The following SPMIP8 variants were observed in gnomAD, a reference collection of about 807,000 sequenced individuals.
SPMIP8 encodes the protein testicular tissue protein Li 196.
the SPMIP8 span, chr16:57,986,204 C>T: frequency 1.2e-3 from 478 of 409,954 alleles, 3 homozygotes; most frequent in East Asian, 0.013. Context: ...AAGGATAGGG[C>T]GAGGATGTTA....
the SPMIP8 span, chr16:57,986,137 T>G: frequency 1.8e-6 from 1 of 569,804 alleles, no homozygotes; most frequent in Non-Finnish European, 2.8e-6. Flanking sequence ...CCCACTGGGG[T>G]GGGGGTGGAC....
chr16:57,981,389 A>AATTATTATTATTATTATTATTATT, the SPMIP8 span, among the ~76,000 whole-genome samples: 18 of 132,908 alleles, frequency 1.4e-4, no homozygotes, highest in Admixed American at 3.9e-4. Context: ...CAATAATAAT[A>AATTATTATTATTATTATTATTATT]ATAATTATTA....
At chr16:57,985,174 A>C in the SPMIP8 span, 25 of 1,476,254 alleles carry the variant, frequency 1.7e-5, no homozygotes, top group Middle Eastern at 4.5e-4. Flanking sequence ...GGGGGGGCGG[A>C]TGAGCGCTCG....
chr16:57,979,769 A>G, the SPMIP8 span, among the ~76,000 whole-genome samples: 2 of 152,192 alleles, frequency 1.3e-5, no homozygotes, highest in African/African-American at 4.8e-5. Flanking sequence ...CTGAAAACCC[A>G]GAAATTTGTA....
chr16:57,979,051 G>A, the SPMIP8 span, among the ~76,000 whole-genome samples: 1 of 152,246 alleles, frequency 6.6e-6, no homozygotes, highest in African/African-American at 2.4e-5. Flanking sequence ...CAGCCCCCAT[G>A]CAGGAGAGGA....
chr16:57,981,373 C>A, the SPMIP8 span, among the ~76,000 whole-genome samples: 1 of 59,974 alleles, frequency 1.7e-5, no homozygotes, highest in Non-Finnish European at 5.7e-5. Flanking sequence ...GAGTGACACT[C>A]CGTCTCAATA....
At chr16:57,987,544 A>G in the SPMIP8 span, 1 of 1,145,234 alleles carries the variant, frequency 8.7e-7, no homozygotes, top group Non-Finnish European at 1.2e-6. Context: ...CTAACTAGAA[A>G]TAAACCTAAT....
the SPMIP8 span, chr16:57,977,714 G>T: frequency 7.7e-7 from 1 of 1,301,026 alleles, no homozygotes; most frequent in Non-Finnish European, 1.1e-6. Flanking sequence ...TAAATGTTTG[G>T]CAAGTAGACA....
chr16:57,984,341 C>T, the SPMIP8 span: 1 of 1,614,210 alleles, frequency 6.2e-7, no homozygotes, highest in Non-Finnish European at 8.5e-7. Flanking sequence ...CCTTGGGGTC[C>T]CCAACAAACC....
At chr16:57,986,053 C>A in the SPMIP8 span, 1 of 1,372,216 alleles carries the variant, frequency 7.3e-7, no homozygotes, top group South Asian at 1.5e-5. Flanking sequence ...CGAGGCCTGG[C>A]GAGGAGGAGG....
At chr16:57,977,901 C>T in the SPMIP8 span, 182 of 1,614,134 alleles carry the variant, frequency 1.1e-4, no homozygotes, top group Non-Finnish European at 1.4e-4. Context: ...TCCCATGGAG[C>T]GGCAGCGCAA....
chr16:57,986,195 A>G, the SPMIP8 span: 2 of 433,344 alleles, frequency 4.6e-6, no homozygotes, highest in Non-Finnish European at 4.1e-6. Context: ...GGAGGCCAAA[A>G]GGATAGGGCG....
the SPMIP8 span, chr16:57,976,545 T>G: frequency 5.0e-6 from 8 of 1,614,196 alleles, no homozygotes; most frequent in Admixed American, 3.3e-5. Flanking sequence ...CCTCCCTTCC[T>G]CTTCTGCCCA....
chr16:57,985,520 A>G, the SPMIP8 span: 2 of 1,610,328 alleles, frequency 1.2e-6, no homozygotes, highest in Non-Finnish European at 1.7e-6. Context: ...ACCGCTACGG[A>G]CAGAAGCCCC....
chr16:57,986,188 G>A, the SPMIP8 span: 10 of 442,238 alleles, frequency 2.3e-5, no homozygotes, highest in South Asian at 4.5e-4. Flanking sequence ...GACTGGAGGA[G>A]GCCAAAAGGA....
At chr16:57,977,725 T>C in the SPMIP8 span, 1 of 1,405,080 alleles carries the variant, frequency 7.1e-7, no homozygotes, top group Non-Finnish European at 9.8e-7. Flanking sequence ...CAAGTAGACA[T>C]CGGCACTGGC....
chr16:57,985,125 G>A, the SPMIP8 span: 6 of 1,378,746 alleles, frequency 4.4e-6, no homozygotes, highest in South Asian at 1.5e-5. Flanking sequence ...GGGCTGGATT[G>A]TGGGCGGGGC....
chr16:57,978,276 C>T, the SPMIP8 span, among the ~76,000 whole-genome samples: 1 of 152,134 alleles, frequency 6.6e-6, no homozygotes. Context: ...CACTTAGAGG[C>T]TGGGCGCAGT....
At chr16:57,976,964 A>G in the SPMIP8 span, among the ~76,000 whole-genome samples, 1 of 152,188 alleles carries the variant, frequency 6.6e-6, no homozygotes, top group Non-Finnish European at 1.5e-5. Context: ...TAAATATATC[A>G]TGTTGCTCCC....
Sources: gnomAD v4.1 joint callset for allele counts (sites outside exome capture counted in the v4.1 genomes callset) on GRCh38, gnomAD v4.1.1 for gene constraint, MANE v1.5 for transcripts, NCBI Gene and HGNC (gene_info 2026-07-23, HGNC 2026-07-21) for gene names.